The following KRT9 variants were observed in gnomAD, a reference collection of about 807,000 sequenced individuals.
KRT9 encodes the protein keratin, type I cytoskeletal 9.
KRT9 carries 34 observed loss-of-function variants against 51.4 expected under a neutral mutation model. The ratio of observed to expected loss-of-function variants is 0.66; its 90% CI spans 0.50 to 0.88. The LOEUF (loss-of-function observed/expected upper bound fraction) is 0.88, where lower values mean the gene tolerates loss of function less well. KRT9 is among the 40% of genes least tolerant of loss of function. The pLI, the probability that KRT9 is intolerant of heterozygous loss-of-function variation, is 0.00. For synonymous variants in KRT9, 292 were observed against 289.7 expected, an observed-to-expected ratio of 1.01 and a Z score of -0.08; for missense variants, 753 against 790.3, an observed-to-expected ratio of 0.95 and a Z score of 0.57.
At chr17:41,570,603 G>C (rs113956473) in intron 1 of KRT9, among the ~76,000 whole-genome samples, 3,476 of 152,296 alleles carry the variant, frequency 0.023, 55 homozygotes, top group Non-Finnish European at 0.036. Flanking sequence ...GAGGTGGCTG[G>C]CAATTGAATT....
In KRT9 at chr17:41,567,247, T is replaced by G; in HGVS notation, c.*26A>C. ...TTGTCCCTTACCTTTTGTCTCATCT[T>G]GGTCACCAGATTTTGAGGAAGAAGA... is the stretch of plus-strand genomic sequence containing the variant. On this transcript the variant is annotated 3_prime_UTR_variant, in exon 7 of 8. Coordinates refer to ENST00000246662, the MANE Select transcript of KRT9 (RefSeq NM_000226.4). 6.2e-7 allele frequency: 1 copy of G among 1,613,920 alleles called. No homozygotes were observed. The highest frequency in any genetic ancestry group is 8.5e-7 in the Non-Finnish European group (1 of 1,180,008).
rs926576793 is a variant in KRT9 at position 41,566,105 on chromosome 17, G to C, written c.*88C>G. On this transcript the variant is annotated 3_prime_UTR_variant, in exon 8 of 8. Transcript: ENST00000246662. ...TGCCCATCTGGGGATGCTCAGCTGGGGCTGGGCAGGAGAAGTTTACAGAGG... is the reference window on the plus strand; with the variant it reads ...TGCCCATCTGGGGATGCTCAGCTGGCGCTGGGCAGGAGAAGTTTACAGAGG... 7.2e-5 allele frequency: 11 copies of C among 152,776 alleles called. No individual in the cohort carries two copies. Among genetic ancestry groups the C allele is most frequent in the African/African-American group, 2.7e-4 (11 of 41,440 alleles). 9.5% of individuals were successfully genotyped at this position (152,776 alleles called of 1,614,324 possible). A position where few individuals can be genotyped will look rare whatever the true frequency, so the allele number is the denominator to read the frequency against.
At position 41,568,022 on chromosome 17, in the gene KRT9, G is replaced by A. The variant is rs558634885; in HGVS notation, c.1394+140C>T. ...AGCCCAAATGCACTGAGGTCCCCCC[G>A]GCCCCCAGGATGAAGAAGTCCTCAA... On this transcript the variant is annotated intron_variant, in intron 6 of 7. Coordinates refer to ENST00000246662, the MANE Select transcript of KRT9 (RefSeq NM_000226.4). 2.7e-4 allele frequency: 254 copies of A among 955,640 alleles called. 1 individual carries two copies. Among genetic ancestry groups the A allele is most frequent in the Middle Eastern group, 6.6e-4 (2 of 3,008 alleles). 59.2% of individuals were successfully genotyped at this position (955,640 alleles called of 1,614,324 possible). A position where few individuals can be genotyped will look rare whatever the true frequency, so the allele number is the denominator to read the frequency against.
At position 41,570,219 on chromosome 17, in the gene KRT9, A is replaced by G. The variant is rs886052912; in HGVS notation, c.644T>C (p.Ile215Thr). 1 of 1,613,356 alleles carries G rather than the reference A, an allele frequency of 6.2e-7. No homozygotes were observed. The change falls in exon 2 of 8, where the codon ATT (isoleucine) becomes ACT (threonine). Residue 215 changes from isoleucine (I) to threonine (T), a missense_variant and splice_region_variant. Ile to Thr is a moderately conservative substitution (Grantham distance 89, BLOSUM62 -1). Transcript: ENST00000246662. ...YNTIDDLKDQ[I>T]VDLTVGNNKT... Reference sequence around the variant, plus strand: ...GTTGTTGCCCACTGTCAGGTCCACAATCTGAAAAAAAAAGGACACAGCCAT... The same window carrying G: ...GTTGTTGCCCACTGTCAGGTCCACAGTCTGAAAAAAAAAGGACACAGCCAT...
At chr17:41,569,378 G>C (rs748308809) in intron 4 of KRT9, 48 bp downstream of exon 4, 3 of 1,580,326 alleles carry the variant, frequency 1.9e-6, no homozygotes, top group Non-Finnish European at 2.6e-6. Context: ...GATGGAGATA[G>C]GAATAGATGG....
intron 7 of KRT9, 28 bp downstream of exon 7, chr17:41,567,205 C>T (rs1354500656): frequency 6.2e-7 from 1 of 1,612,834 alleles, no homozygotes; most frequent in Non-Finnish European, 8.5e-7. Context: ...CTTGACTCTC[C>T]ACCCCACAAC....
intron 3 of KRT9, 88 bp downstream of exon 3, chr17:41,569,771 C>G: frequency 6.5e-7 from 1 of 1,549,396 alleles, no homozygotes; most frequent in South Asian, 1.1e-5. Flanking sequence ...GAGAGGGTGT[C>G]TCCCAGGTAA....
At chr17:41,566,888 G>A (rs921941387) in intron 7 of KRT9, among the ~76,000 whole-genome samples, 11 of 152,212 alleles carry the variant, frequency 7.2e-5, no homozygotes, top group Admixed American at 6.5e-4. Flanking sequence ...ATTTGTGATT[G>A]TATGACTTTG....
In KRT9 at chr17:41,568,396, G is replaced by C. The variant is rs1292339245; in HGVS notation, c.1171-11C>G. The C allele has an allele frequency of 6.2e-7, 1 of 1,614,106 alleles. No homozygotes were observed. Among genetic ancestry groups the C allele is most frequent in the East Asian group, 2.2e-5 (1 of 44,882 alleles). Reference sequence around the variant, plus strand: ...CTCCAGAGCTGCTTTCTAAGGGTTAGGAGAAGGCTTTAAGAGGGATGCTAC... The same window carrying C: ...CTCCAGAGCTGCTTTCTAAGGGTTACGAGAAGGCTTTAAGAGGGATGCTAC... On this transcript the variant is annotated splice_polypyrimidine_tract_variant and intron_variant, in intron 5 of 7. Transcript: ENST00000246662.
chr17:41,567,173 CAA>C (rs11313278), intron 7 of KRT9, 58 bp downstream of exon 7: 15,851 of 1,357,788 alleles, frequency 0.012, no homozygotes, highest in East Asian at 0.031. Context: ...CAAAAATACT[CAA>C]AAAAAAAAAA....
chr17:41,571,459 G>T lies in KRT9; in HGVS notation c.534C>A (p.Asn178Lys), dbSNP rs759132079. The part of the protein sequence containing the change: ...LDKVQALEEA[N>K]NDLENKIQDW... ...CCTGGATCTTATTCTCCAGGTCGTT[G>T]TTGGCCTCCTCTAGAGCCTGCACCT... Residue 178 changes from asparagine (N) to lysine (K), a missense_variant, in exon 1 of 8, where the codon AAC (asparagine) becomes AAA (lysine). This residue lies in a region of KRT9 where 507 missense variants were observed against 563.7 expected (regional missense o/e 0.90). Coordinates refer to ENST00000246662, the MANE Select transcript of KRT9 (RefSeq NM_000226.4). The T allele has an allele frequency of 2.0e-5, 32 of 1,613,862 alleles. No homozygotes were observed. The highest frequency in any genetic ancestry group is 2.0e-4 in the South Asian group (18 of 91,070).
In KRT9 at chr17:41,567,094, G is replaced by C. The variant is rs185377133; in HGVS notation, c.*40+139C>G. 30 of 1,401,826 alleles carry C rather than the reference G, an allele frequency of 2.1e-5. No homozygotes were observed. The African/African-American group carries it at 2.2e-4, about 10-fold the overall frequency. 86.8% of individuals were successfully genotyped at this position (1,401,826 alleles called of 1,614,324 possible). A position where few individuals can be genotyped will look rare whatever the true frequency, so the allele number is the denominator to read the frequency against. ...ATGATCAATTCAGAACCAAGGGTAG[G>C]TCTCTGACACCTCACTAGAGATTTC... On this transcript the variant is annotated intron_variant, in intron 7 of 7. Coordinates refer to ENST00000246662, the MANE Select transcript of KRT9 (RefSeq NM_000226.4).
chr17:41,571,894 G>C lies in KRT9; in HGVS notation c.99C>G (p.Ser33Arg), dbSNP rs746512534. 1.2e-6 allele frequency: 2 copies of C among 1,608,794 alleles called. No homozygotes were observed. Among genetic ancestry groups the C allele is most frequent in the Non-Finnish European group, 1.7e-6 (2 of 1,177,920 alleles). The change falls in exon 1 of 8, where the codon AGC (serine) becomes AGG (arginine). Residue 33 changes from serine (S) to arginine (R), a missense_variant. This residue lies in a region of KRT9 where 241 missense variants were observed against 210.3 expected (regional missense o/e 1.15). Transcript: ENST00000246662. ...CACCGCCCCCTGAGGAGCTGAAGCG[G>C]CTGTAGGAAGACCTTATGCTGCCCC... ...GSGGSIRSSY[S>R]RFSSSGGGGG...
intron 7 of KRT9, 59 bp downstream of exon 7, chr17:41,567,174 A>C (rs1454685879): frequency 4.8e-5 from 5 of 103,300 alleles, no homozygotes; most frequent in Admixed American, 4.2e-4. Context: ...AAAAATACTC[A>C]AAAAAAAAAA....
At position 41,565,872 on chromosome 17, in the gene KRT9, A is replaced by T. The variant is rs1906856133; in HGVS notation, c.*321T>A. 6.6e-6 allele frequency: 1 copy of T among 152,078 alleles called. No individual in the cohort carries two copies. The highest frequency in any genetic ancestry group is 1.5e-5 in the Non-Finnish European group (1 of 68,046). The allele number at this position is 152,078 out of a possible 1,614,324, so 9.4% of individuals were successfully genotyped here. A position where few individuals can be genotyped will look rare whatever the true frequency, so the allele number is the denominator to read the frequency against. On this transcript the variant is annotated 3_prime_UTR_variant, in exon 8 of 8. Transcript: ENST00000246662. ...GTAGGGAAGCTTTATTATAGTCAAG[A>T]TCGTGCAGGGTGTGAGAGCACCCCA...
Position 41,568,391 on chromosome 17 carries a change from G to C in KRT9, c.1171-6C>G, listed in dbSNP as rs947563337. 4 of 1,614,058 alleles carry C rather than the reference G, an allele frequency of 2.5e-6. No individual in the cohort carries two copies. The Admixed American group carries it at 5.0e-5, about 20-fold the overall frequency. ...CTCTTCTCCAGAGCTGCTTTCTAAG[G>C]GTTAGGAGAAGGCTTTAAGAGGGAT... On this transcript the variant is annotated splice_polypyrimidine_tract_variant and splice_region_variant and intron_variant, in intron 5 of 7. Coordinates refer to ENST00000246662, the MANE Select transcript of KRT9 (RefSeq NM_000226.4).
Position 41,567,278 on chromosome 17 carries a change from A to G in KRT9, c.1867T>C (p.Ser623Pro). The G allele has an allele frequency of 6.2e-7, 1 of 1,614,052 alleles. No homozygotes were observed. Among genetic ancestry groups the G allele is most frequent in the Non-Finnish European group, 8.5e-7 (1 of 1,180,024 alleles). ...CCAGATTTTGAGGAAGAAGACTAGG[A>G]ATGGGATGATTTTCCGCTTCCTCCT... ...YGGGSGKSSH[S>P] Residue 623 changes from serine (S) to proline (P), a missense_variant, in exon 7 of 8, where the codon TCC becomes CCC. This residue lies in a region of KRT9 where 507 missense variants were observed against 563.7 expected (regional missense o/e 0.90). Transcript: ENST00000246662.
At chr17:41,571,226 C>T (rs1427802006) in intron 1 of KRT9, 125 bp downstream of exon 1, 9 of 929,712 alleles carry the variant, frequency 9.7e-6, no homozygotes, top group Middle Eastern at 2.8e-4. Context: ...CTGATGAAAG[C>T]GTACATTTCC....
chr17:41,571,620 C>A lies in KRT9; in HGVS notation c.373G>T (p.Gly125Cys), dbSNP rs1156529318. Residue 125 changes from glycine (G) to cysteine (C), a missense_variant, in exon 1 of 8, where the codon GGT becomes TGT. Coordinates refer to ENST00000246662, the MANE Select transcript of KRT9 (RefSeq NM_000226.4). ...FGGGSGGGFG[G>C]GYGSGFGGFG... ...CCCCCAAACCCACTCCCATAGCCAC[C>A]ACCAAAGCCACCTCCAGAACCACCA... 2 of 1,605,922 alleles carry A rather than the reference C, an allele frequency of 1.2e-6. 1 individual carries two copies. The highest frequency in any genetic ancestry group is 1.7e-6 in the Non-Finnish European group (2 of 1,175,838).
Sources: allele counts gnomAD v4.1 joint callset (sites outside exome capture counted in the v4.1 genomes callset), GRCh38; gene constraint gnomAD v4.1.1; regional missense constraint gnomAD v4.1.1; transcripts MANE v1.5; gene names NCBI Gene and HGNC (gene_info 2026-07-23, HGNC 2026-07-21).